The following FAM13A variants were observed in gnomAD, a reference collection of about 807,000 sequenced individuals.
FAM13A encodes family with sequence similarity 13 member A.
A neutral mutation model predicts 129.6 loss-of-function variants in FAM13A; 76 were observed. The observed-to-expected ratio is 0.59, with a 90% CI of 0.49 to 0.71. The LOEUF (loss-of-function observed/expected upper bound fraction) is 0.71. FAM13A is among the 30% of genes least tolerant of loss of function. The pLI is 0.00. For missense variants in FAM13A, 1,108 were observed against 1,249.3 expected, an observed-to-expected ratio of 0.89 and a Z score of 1.70; for synonymous variants, 443 against 449.9, an observed-to-expected ratio of 0.98 and a Z score of 0.20.
chr4:88,899,669 C>T (rs1746942716), intron 6 of FAM13A, among the ~76,000 whole-genome samples: 1 of 151,932 alleles, frequency 6.6e-6, no homozygotes, highest in South Asian at 2.1e-4. Flanking sequence ...TCTCATGAAA[C>T]ATTCTGGATT....
At chr4:88,859,165 C>T (rs1004656051) in intron 6 of FAM13A, among the ~76,000 whole-genome samples, 2 of 152,002 alleles carry the variant, frequency 1.3e-5, no homozygotes, top group African/African-American at 4.8e-5. Flanking sequence ...AGGAAAGAGG[C>T]GATTGCTAAA....
intron 4 of FAM13A, among the ~76,000 whole-genome samples, chr4:88,949,659 TA>T (rs1409294171): frequency 6.6e-6 from 1 of 152,202 alleles, no homozygotes; most frequent in Non-Finnish European, 1.5e-5. Context: ...ATAAAGTTCC[TA>T]ATGTTTCTTA....
intron 3 of FAM13A, among the ~76,000 whole-genome samples, chr4:89,000,339 C>T (rs1216749068): frequency 6.6e-6 from 1 of 152,018 alleles, no homozygotes; most frequent in Non-Finnish European, 1.5e-5. Flanking sequence ...GAATATTAAC[C>T]AGCCATAGGA....
At chr4:88,805,906 G>A (rs781393246) in intron 7 of FAM13A, among the ~76,000 whole-genome samples, 2 of 152,040 alleles carry the variant, frequency 1.3e-5, no homozygotes, top group Non-Finnish European at 2.9e-5. Context: ...GGGCTCAAGT[G>A]ATCCTCCCAC....
chr4:88,951,745 T>A (rs568913169), intron 4 of FAM13A, among the ~76,000 whole-genome samples: 1 of 152,300 alleles, frequency 6.6e-6, no homozygotes, highest in East Asian at 1.9e-4. Context: ...AATCAATTAC[T>A]TCTTTCTTAT....
chr4:88,869,064 T>C (rs2150068537), intron 6 of FAM13A, among the ~76,000 whole-genome samples: 1 of 152,290 alleles, frequency 6.6e-6, no homozygotes, highest in African/African-American at 2.4e-5. Flanking sequence ...CATTAGACTA[T>C]ATGGTCTCCA....
intron 4 of FAM13A, among the ~76,000 whole-genome samples, chr4:88,977,083 T>G (rs1426996367): frequency 6.6e-6 from 1 of 152,170 alleles, no homozygotes; most frequent in African/African-American, 2.4e-5. Context: ...ATATGTCACG[T>G]AAATATGTAT....
chr4:88,985,599 A>T (rs11722033), intron 4 of FAM13A, among the ~76,000 whole-genome samples: 2 of 151,842 alleles, frequency 1.3e-5, no homozygotes, highest in Non-Finnish European at 2.9e-5. Context: ...TGCTGCTAAC[A>T]GACATGTAAC....
In FAM13A at chr4:89,029,511, T is replaced by C. The variant is rs1216996325; in HGVS notation, c.166A>G (p.Asn56Asp). ...QELERQGLTE[N>D]GIPAVVWNIV... The stretch of plus-strand genomic sequence containing the variant: ...TTCCACACTACTGCTGGAATGCCAT[T>C]CTCGGTGAGCCCCTGCCGTTCAAGT... Residue 56 changes from asparagine to aspartate, a missense_variant, in exon 2 of 24, where the codon AAT becomes GAT. Asn to Asp is a conservative substitution (Grantham distance 23, BLOSUM62 1). Transcript: ENST00000264344. 1 of 1,595,934 alleles carries C rather than the reference T, an allele frequency of 6.3e-7. No homozygotes were observed. The highest frequency in any genetic ancestry group is 8.5e-7 in the Non-Finnish European group (1 of 1,175,268).
chr4:89,033,401 G>C (rs1180196330), intron 1 of FAM13A, among the ~76,000 whole-genome samples: 1 of 152,134 alleles, frequency 6.6e-6, no homozygotes, highest in Non-Finnish European at 1.5e-5. Flanking sequence ...AGAGATGCCA[G>C]TAAAGTGCTC....
At chr4:88,992,231 T>C (rs1763000080) in intron 3 of FAM13A, among the ~76,000 whole-genome samples, 1 of 152,066 alleles carries the variant, frequency 6.6e-6, no homozygotes, top group East Asian at 1.9e-4. Context: ...TGCCTTACCA[T>C]TCTTTAACAA....
chr4:89,017,157 T>C (rs1766610650), intron 3 of FAM13A, among the ~76,000 whole-genome samples: 1 of 152,218 alleles, frequency 6.6e-6, no homozygotes, highest in African/African-American at 2.4e-5. Flanking sequence ...ATAATGTATT[T>C]TTCAGAAAGT....
chr4:88,757,878 G>T (rs143532356), intron 14 of FAM13A, among the ~76,000 whole-genome samples: 1 of 152,262 alleles, frequency 6.6e-6, no homozygotes, highest in Non-Finnish European at 1.5e-5. Context: ...GCTGAAACGG[G>T]ACTGATTTTT....
At chr4:89,033,449 C>T (rs1331054152) in intron 1 of FAM13A, among the ~76,000 whole-genome samples, 1 of 152,166 alleles carries the variant, frequency 6.6e-6, no homozygotes, top group African/African-American at 2.4e-5. Flanking sequence ...AGGAGTCACA[C>T]TCAGGCAAGC....
At chr4:88,758,144 T>G (rs1302063924) in intron 14 of FAM13A, among the ~76,000 whole-genome samples, 1 of 152,126 alleles carries the variant, frequency 6.6e-6, no homozygotes, top group Non-Finnish European at 1.5e-5. Flanking sequence ...TCCTCGCAAG[T>G]ACATTTCTAA....
intron 3 of FAM13A, among the ~76,000 whole-genome samples, chr4:88,994,447 G>A (rs543406131): frequency 1.3e-5 from 2 of 152,298 alleles, no homozygotes; most frequent in African/African-American, 4.8e-5. Flanking sequence ...ACCTTCAGAG[G>A]AGGCTTGTAG....
At chr4:88,943,198 T>A (rs1391753261) in intron 4 of FAM13A, among the ~76,000 whole-genome samples, 1 of 152,212 alleles carries the variant, frequency 6.6e-6, no homozygotes, top group African/African-American at 2.4e-5. Flanking sequence ...CAAAATTGAA[T>A]TCAAAATTAA....
intron 1 of FAM13A, among the ~76,000 whole-genome samples, chr4:89,041,203 T>C (rs1204386078): frequency 2.0e-5 from 3 of 152,182 alleles, no homozygotes; most frequent in Non-Finnish European, 1.5e-5. Context: ...TTAACAAGTA[T>C]TGTGTATTTC....
At chr4:88,868,665 G>A (rs558215429) in intron 6 of FAM13A, among the ~76,000 whole-genome samples, 12 of 152,096 alleles carry the variant, frequency 7.9e-5, no homozygotes, top group East Asian at 1.9e-4. Context: ...TAGACACACC[G>A]CACCCTGTAA....
Sources: gnomAD v4.1 joint callset for allele counts (sites outside exome capture counted in the v4.1 genomes callset) on GRCh38, gnomAD v4.1.1 for gene constraint, MANE v1.5 for transcripts, NCBI Gene and HGNC (gene_info 2026-07-23, HGNC 2026-07-21) for gene names.